The following SFXN3 variants were observed in gnomAD, a reference collection of about 807,000 sequenced individuals.
The protein encoded by SFXN3 is sideroflexin-3.
In SFXN3, 31 loss-of-function variants were observed where a neutral mutation model predicts 40.4. The ratio of observed to expected loss-of-function variants is 0.77; its 90% CI spans 0.58 to 1.04. SFXN3 has a LOEUF of 1.04. Ranked by LOEUF, SFXN3 falls within the 50% of genes least tolerant of loss-of-function variation. The pLI is 0.00. For missense variants in SFXN3, 366 were observed against 408.2 expected, an observed-to-expected ratio of 0.90 and a Z score of 0.89; for synonymous variants, 157 against 160.0, an observed-to-expected ratio of 0.98 and a Z score of 0.14.
At chr10:101,035,830 A>T in intron 4 of SFXN3, 163 bp downstream of exon 4, 3 of 1,146,676 alleles carry the variant, frequency 2.6e-6, no homozygotes, top group Non-Finnish European at 3.8e-6. Context: ...CAGAGACAGT[A>T]GGTGTGTTTG....
In SFXN3 at chr10:101,039,473, T is replaced by C; in HGVS notation, c.870-16T>C. ...GATTCAGGGGACGTTAACTGGCCTG[T>C]GCTGTTCTATTGCAGCTCCATACAC... On this transcript the variant is annotated splice_polypyrimidine_tract_variant and intron_variant, in intron 11 of 11. Coordinates refer to ENST00000393459, the Ensembl canonical transcript of SFXN3. The surrounding 1 kb of genome is among the most constrained non-coding windows in gnomAD (Gnocchi z 4.6). The C allele has an allele frequency of 6.2e-7, 1 of 1,612,518 alleles. No homozygotes were observed. The highest frequency in any genetic ancestry group is 2.2e-5 in the East Asian group (1 of 44,886).
At position 101,039,721 on chromosome 10, in the gene SFXN3, C is replaced by T. The variant is rs1938808896; in HGVS notation, c.*136C>T. 2.6e-6 allele frequency: 2 copies of T among 783,008 alleles called. No homozygotes were observed. Among genetic ancestry groups the T allele is most frequent in the Non-Finnish European group, 4.3e-6 (2 of 465,716 alleles). The allele number at this position is 783,008 out of a possible 1,614,324, so 48.5% of individuals were successfully genotyped here. On this transcript the variant is annotated 3_prime_UTR_variant, in exon 12 of 12. Coordinates refer to ENST00000393459, the Ensembl canonical transcript of SFXN3. This position sits in a 1 kb window ranked among gnomAD's most constrained non-coding sequence, Gnocchi z 4.6. ...GGCAGATGGCAATTGAGGGTAGCAA[C>T]CTATTAGGGTGGGGGAGGGACCTCC...
Position 101,039,250 on chromosome 10 carries a change from G to T in SFXN3, c.869+28G>T. On this transcript the variant is annotated intron_variant, in intron 11 of 11. Transcript: ENST00000393459. The surrounding 1 kb of genome is among the most constrained non-coding windows in gnomAD (Gnocchi z 4.6). ...AAGTGCTGTCCCTGGGCTGGGTGGG[G>T]GACTCTGGATTGGACTCTGCATCTC... 1 of 1,591,404 alleles carries T rather than the reference G, an allele frequency of 6.3e-7. No homozygotes were observed. The highest frequency in any genetic ancestry group is 8.6e-7 in the Non-Finnish European group (1 of 1,166,934).
At chr10:101,037,267 G>C in intron 8 of SFXN3, 64 bp downstream of exon 8, 1 of 1,613,532 alleles carries the variant, frequency 6.2e-7, no homozygotes. Flanking sequence ...AGTTCTCAGG[G>C]ACTTTGGAGG....
Position 101,036,150 on chromosome 10 carries a change from C to A in SFXN3, c.431+49C>A. On this transcript the variant is annotated intron_variant, in intron 5 of 11. Coordinates refer to ENST00000393459, the Ensembl canonical transcript of SFXN3. The surrounding 1 kb of genome is among the most constrained non-coding windows in gnomAD (Gnocchi z 4.2). Reference sequence around the variant, plus strand: ...GCTGCACTGTCCCATCTGACCCTCTCCTCCCAGCCTGCAGTGCCCTCTCCT... The same window carrying A: ...GCTGCACTGTCCCATCTGACCCTCTACTCCCAGCCTGCAGTGCCCTCTCCT... The A allele has an allele frequency of 6.8e-7, 1 of 1,462,584 alleles. No homozygotes were observed. The highest frequency in any genetic ancestry group is 9.6e-7 in the Non-Finnish European group (1 of 1,044,100). The allele number at this position is 1,462,584 out of a possible 1,614,324, so 90.6% of individuals were successfully genotyped here. A position where few individuals can be genotyped will look rare whatever the true frequency, so the allele number is the denominator to read the frequency against.
At chr10:101,031,321 C>T (rs1938172854) in exon 1 of SFXN3, 1 of 152,326 alleles carries the variant, frequency 6.6e-6, no homozygotes, top group African/African-American at 2.4e-5. Context: ...AGTTCTGGTT[C>T]TGACGCCCTA....
chr10:101,039,232 G>C lies in SFXN3; in HGVS notation c.869+10G>C. 1 of 1,603,326 alleles carries C rather than the reference G, an allele frequency of 6.2e-7. No individual in the cohort carries two copies. Among genetic ancestry groups the C allele is most frequent in the Non-Finnish European group, 8.5e-7 (1 of 1,174,726 alleles). ...TATTCCCCCAGAAGAGGTAAGTGCT[G>C]TCCCTGGGCTGGGTGGGGGACTCTG... On this transcript the variant is annotated intron_variant, in intron 11 of 11. Coordinates refer to ENST00000393459, the Ensembl canonical transcript of SFXN3. The surrounding 1 kb of genome is among the most constrained non-coding windows in gnomAD (Gnocchi z 4.6).
Position 101,039,591 on chromosome 10 carries a change from G to T in SFXN3, c.*6G>T. 3 of 1,613,052 alleles carry T rather than the reference G, an allele frequency of 1.9e-6. No individual in the cohort carries two copies. Among genetic ancestry groups the T allele is most frequent in the Non-Finnish European group, 2.5e-6 (3 of 1,179,030 alleles). ...ACTACAACAAGGGGCTTTGAGGAGGGTCAGCCTCTGTCCCCTCCCTCACTT... is the reference window on the plus strand; with the variant it reads ...ACTACAACAAGGGGCTTTGAGGAGGTTCAGCCTCTGTCCCCTCCCTCACTT... On this transcript the variant is annotated 3_prime_UTR_variant, in exon 12 of 12. Transcript: ENST00000393459. This position sits in a 1 kb window ranked among gnomAD's most constrained non-coding sequence, Gnocchi z 4.6.
chr10:101,036,242 C>T lies in SFXN3; in HGVS notation c.431+141C>T, dbSNP rs529281929. 25 of 790,904 alleles carry T rather than the reference C, an allele frequency of 3.2e-5. No homozygotes were observed. The highest frequency in any genetic ancestry group is 2.8e-4 in the South Asian group (17 of 61,276). 49.0% of individuals were successfully genotyped at this position (790,904 alleles called of 1,614,324 possible). A position where few individuals can be genotyped will look rare whatever the true frequency, so the allele number is the denominator to read the frequency against. On this transcript the variant is annotated intron_variant, in intron 5 of 11. Coordinates refer to ENST00000393459, the Ensembl canonical transcript of SFXN3. The surrounding 1 kb of genome is among the most constrained non-coding windows in gnomAD (Gnocchi z 4.2). ...GCCCTCTCCTCAGCCTGCCCCACCC[C>T]GAATTACCCTGCCTAACTGAAGGCA...
rs557206778 is a variant in SFXN3 at position 101,039,908 on chromosome 10, G to T, written c.*323G>T. ...CTAGCCTAGTATGTTCTGACATCTG[G>T]CTTCCCTTCTCAGCCTCATGTCCAC... On this transcript the variant is annotated 3_prime_UTR_variant, in exon 12 of 12. Transcript: ENST00000393459. The surrounding 1 kb of genome is among the most constrained non-coding windows in gnomAD (Gnocchi z 4.6). 4.6e-5 allele frequency: 13 copies of T among 280,424 alleles called. No homozygotes were observed. Among genetic ancestry groups the T allele is most frequent in the African/African-American group, 1.9e-4 (9 of 47,252 alleles). The allele number at this position is 280,424 out of a possible 1,614,324, so 17.4% of individuals were successfully genotyped here.
chr10:101,032,824 C>A (rs887253163), intron 2 of SFXN3, among the ~76,000 whole-genome samples: 2 of 152,096 alleles, frequency 1.3e-5, no homozygotes, highest in Non-Finnish European at 2.9e-5. Context: ...TCTGCCTCTG[C>A]GGGAGGAAGT....
chr10:101,036,449 G>A lies in SFXN3; in HGVS notation c.432-37G>A. Reference sequence around the variant, plus strand: ...AAGGAAAGGGCCACCTGCTGGACTTGTCACCTCTCCCCGTGACCTGGCTTT... The same window carrying A: ...AAGGAAAGGGCCACCTGCTGGACTTATCACCTCTCCCCGTGACCTGGCTTT... On this transcript the variant is annotated intron_variant, in intron 5 of 11. Coordinates refer to ENST00000393459, the Ensembl canonical transcript of SFXN3. This position sits in a 1 kb window ranked among gnomAD's most constrained non-coding sequence, Gnocchi z 4.2. The A allele has an allele frequency of 1.1e-5, 18 of 1,609,148 alleles. No homozygotes were observed. Among genetic ancestry groups the A allele is most frequent in the Admixed American group, 1.7e-5 (1 of 59,970 alleles).
chr10:101,038,434 C>G, intron 9 of SFXN3: 1 of 1,434,108 alleles, frequency 7.0e-7, no homozygotes, highest in Admixed American at 2.7e-5. Context: ...CATGGGATGC[C>G]GGGGAGGGTG....
chr10:101,035,946 G>T lies in SFXN3; in HGVS notation c.333-57G>T, dbSNP rs1352026012. 3.4e-6 allele frequency: 5 copies of T among 1,473,796 alleles called. No homozygotes were observed. The African/African-American group carries it at 4.2e-5, about 12-fold the overall frequency. 91.3% of individuals were successfully genotyped at this position (1,473,796 alleles called of 1,614,324 possible). On this transcript the variant is annotated intron_variant, in intron 4 of 11. Transcript: ENST00000393459. The stretch of plus-strand genomic sequence containing the variant: ...AATAACCTTTGGTTTCATTACAGGG[G>T]TCTAAAGATGAGGGCCACTGTAGAC...
chr10:101,036,837 A>C lies in SFXN3; in HGVS notation c.593+29A>C, dbSNP rs759411076. The C allele has an allele frequency of 1.2e-6, 2 of 1,609,520 alleles. No homozygotes were observed. Among genetic ancestry groups the C allele is most frequent in the African/African-American group, 1.3e-5 (1 of 74,834 alleles). On this transcript the variant is annotated intron_variant, in intron 7 of 11. Transcript: ENST00000393459. The surrounding 1 kb of genome is among the most constrained non-coding windows in gnomAD (Gnocchi z 4.2). ...AGTGACCCCGGCTCCTGGCATGTGC[A>C]TGCCCAGAATGTAGCACACTGTCCA...
exon 3 of SFXN3, chr10:101,034,731 C>A (rs747242755): frequency 1.9e-6 from 3 of 1,614,008 alleles, no homozygotes; most frequent in South Asian, 2.2e-5. Flanking sequence ...CATCCAGGAA[C>A]CTCGCTGGGA....
At chr10:101,032,035 C>T (rs1209015366) in intron 1 of SFXN3, 4 of 180,992 alleles carry the variant, frequency 2.2e-5, no homozygotes, top group Admixed American at 1.2e-4. Context: ...CCTCCCGGCG[C>T]GCCAGCAGAG....
chr10:101,033,604 A>G (rs1938434778), intron 2 of SFXN3, among the ~76,000 whole-genome samples: 1 of 152,214 alleles, frequency 6.6e-6, no homozygotes, highest in Non-Finnish European at 1.5e-5. Flanking sequence ...GAGAAAAGAA[A>G]TAAGACACAG....
At chr10:101,037,546 G>A in intron 9 of SFXN3, 115 bp downstream of exon 9, 1 of 1,603,326 alleles carries the variant, frequency 6.2e-7, no homozygotes, top group South Asian at 1.1e-5. Context: ...CCCTTCTCCT[G>A]ACCCCTGCAC....
Sources: gnomAD v4.1 joint callset for allele counts (sites outside exome capture counted in the v4.1 genomes callset) on GRCh38, gnomAD v4.1.1 for gene constraint, Gnocchi (gnomAD v3.1) non-coding constraint, MANE v1.5 for transcripts, NCBI Gene and HGNC (gene_info 2026-07-23, HGNC 2026-07-21) for gene names.